ZDHHC14: variants seen among roughly 807,000 people sequenced by gnomAD.
The protein encoded by ZDHHC14 is zDHHC palmitoyltransferase 14.
ZDHHC14 carries 16 observed loss-of-function variants against 47.7 expected under a neutral mutation model. That is an observed-to-expected ratio of 0.34 (90% CI 0.23 to 0.51). ZDHHC14 has a LOEUF of 0.51. Ranked by LOEUF, ZDHHC14 falls within the 20% of genes least tolerant of loss-of-function variation. ZDHHC14 has a pLI of 0.97. For synonymous variants in ZDHHC14, 293 were observed against 278.9 expected (o/e 1.05, Z -0.50); for missense variants, 515 against 662.5 (o/e 0.78, Z 2.44).
In ZDHHC14 at chr6:157,647,252, C is replaced by G. The variant is rs1231850958; in HGVS notation, c.856-7C>G. ...ATTGCTTGTTACTGACTTTCCTTTT[C>G]TTTCAGATTAAAGGATCCTGGTCAA... On this transcript the variant is annotated splice_region_variant and splice_polypyrimidine_tract_variant and intron_variant, in intron 6 of 8. Coordinates refer to ENST00000359775, the MANE Select transcript of ZDHHC14 (RefSeq NM_024630.3). The G allele has an allele frequency of 1.2e-6, 2 of 1,604,962 alleles. No individual in the cohort carries two copies. The highest frequency in any genetic ancestry group is 8.5e-7 in the Non-Finnish European group (1 of 1,171,956).
At chr6:157,517,321 C>CTTT (rs34872988) in intron 1 of ZDHHC14, among the ~76,000 whole-genome samples, 8,197 of 145,922 alleles carry the variant, frequency 0.056, 528 homozygotes, top group African/African-American at 0.16. Context: ...TATAGTATCT[C>CTTT]TTTTTTTTTT....
At chr6:157,434,355 G>A (rs1035257188) in intron 1 of ZDHHC14, among the ~76,000 whole-genome samples, 17 of 151,972 alleles carry the variant, frequency 1.1e-4, no homozygotes, top group Non-Finnish European at 1.6e-4. Flanking sequence ...CCTGCCAGCC[G>A]GCCGAGAACA....
Position 157,492,684 on chromosome 6 carries a change from A to G in ZDHHC14, c.246-49901A>G, listed in dbSNP as rs150094974. 2.5e-3 allele frequency among the ~76,000 whole-genome samples: 382 copies of G among 152,336 alleles called. 1 individual carries two copies. The highest frequency in any genetic ancestry group is 4.8e-3 in the Admixed American group (74 of 15,312). ...CAAAGCCCCTGGCCTCATGCAGTTTACAATCTAGGGCATGAAGAAATCACT... is the reference window on the plus strand; with the variant it reads ...CAAAGCCCCTGGCCTCATGCAGTTTGCAATCTAGGGCATGAAGAAATCACT... On this transcript the variant is annotated intron_variant, in intron 1 of 8. Coordinates refer to ENST00000359775, the MANE Select transcript of ZDHHC14 (RefSeq NM_024630.3).
chr6:157,460,719 G>A (rs551929898), intron 1 of ZDHHC14, among the ~76,000 whole-genome samples: 1 of 152,300 alleles, frequency 6.6e-6, no homozygotes, highest in South Asian at 2.1e-4. Context: ...GTACCCTTAA[G>A]TTATATGGAG....
chr6:157,572,540 A>G (rs1783139861), intron 2 of ZDHHC14, among the ~76,000 whole-genome samples: 1 of 151,924 alleles, frequency 6.6e-6, no homozygotes, highest in Non-Finnish European at 1.5e-5. Context: ...CATGTGCACA[A>G]CGTGCAGGTT....
intron 5 of ZDHHC14, among the ~76,000 whole-genome samples, chr6:157,636,369 C>T (rs1262991252): frequency 2.0e-5 from 3 of 149,166 alleles, no homozygotes; most frequent in Admixed American, 1.3e-4. Context: ...GTGCATGCAT[C>T]TATATCTGTA....
At chr6:157,540,910 G>GTGTGTATATATA (rs1284429244) in intron 1 of ZDHHC14, among the ~76,000 whole-genome samples, 4 of 122,980 alleles carry the variant, frequency 3.3e-5, no homozygotes, top group South Asian at 2.3e-4. Context: ...GTGTGTGTGT[G>GTGTGTATATATA]TATATATATA....
chr6:157,570,734 G>A (rs1562486213), intron 2 of ZDHHC14, among the ~76,000 whole-genome samples: 1 of 150,960 alleles, frequency 6.6e-6, no homozygotes, highest in Admixed American at 6.6e-5. Flanking sequence ...ACTAATTAGT[G>A]ATATATATAT....
At chr6:157,607,183 A>T (rs908030326) in intron 3 of ZDHHC14, among the ~76,000 whole-genome samples, 1 of 152,174 alleles carries the variant, frequency 6.6e-6, no homozygotes, top group African/African-American at 2.4e-5. Flanking sequence ...GCCTCAGCGG[A>T]ATGCTGAGGG....
chr6:157,489,598 G>A (rs1779865176), intron 1 of ZDHHC14, among the ~76,000 whole-genome samples: 2 of 152,164 alleles, frequency 1.3e-5, no homozygotes, highest in Non-Finnish European at 2.9e-5. Context: ...CATAGGGAGA[G>A]GCTGAATTAG....
At chr6:157,407,929 C>A (rs545991172) in intron 1 of ZDHHC14, among the ~76,000 whole-genome samples, 1 of 152,126 alleles carries the variant, frequency 6.6e-6, no homozygotes, top group Non-Finnish European at 1.5e-5. Context: ...TTTTAAAATG[C>A]GAGTCCTCTA....
At chr6:157,581,853 G>C (rs1046897662) in intron 2 of ZDHHC14, among the ~76,000 whole-genome samples, 4 of 151,560 alleles carry the variant, frequency 2.6e-5, no homozygotes, top group African/African-American at 9.7e-5. Context: ...GCATACCATT[G>C]GGTCATTGGG....
intron 8 of ZDHHC14, among the ~76,000 whole-genome samples, chr6:157,668,431 C>G (rs773591151): frequency 1.3e-5 from 2 of 151,452 alleles, no homozygotes; most frequent in African/African-American, 4.9e-5. Context: ...GACCTGTAAT[C>G]CCAGCACTTT....
rs149567343 is a variant in ZDHHC14, at chr6:157,665,196, C to A, written c.1069-7528C>A. On this transcript the variant is annotated intron_variant, in intron 8 of 8. Coordinates refer to ENST00000359775, the MANE Select transcript of ZDHHC14 (RefSeq NM_024630.3). ...TTTCATATACTCCCTTATATACAGG[C>A]TGAATGCTGGTCCAGTATCAGTTCT... Among the ~76,000 whole-genome samples, 117 of 152,316 alleles carry A rather than the reference C, an allele frequency of 7.7e-4. 1 individual carries two copies. The highest frequency in any genetic ancestry group is 2.7e-3 in the African/African-American group (112 of 41,560).
At chr6:157,481,311 T>C (rs190810171) in intron 1 of ZDHHC14, among the ~76,000 whole-genome samples, 2 of 152,308 alleles carry the variant, frequency 1.3e-5, no homozygotes, top group African/African-American at 4.8e-5. Flanking sequence ...TTTTCCTTTT[T>C]TGGAAGTCTA....
chr6:157,501,223 T>C (rs558192394), intron 1 of ZDHHC14, among the ~76,000 whole-genome samples: 4 of 152,344 alleles, frequency 2.6e-5, no homozygotes, highest in East Asian at 1.9e-4. Context: ...TCATTATTTT[T>C]TCCTTCCTTC....
At chr6:157,629,849 A>G (rs988954632) in intron 4 of ZDHHC14, 1 of 152,200 alleles carries the variant, frequency 6.6e-6, no homozygotes, top group African/African-American at 2.4e-5. Context: ...CTATCTGTGC[A>G]TTAATAGACA....
chr6:157,387,232 A>G (rs892263280), intron 1 of ZDHHC14, among the ~76,000 whole-genome samples: 16 of 136,476 alleles, frequency 1.2e-4, no homozygotes, highest in Non-Finnish European at 2.2e-4. Context: ...AATTCCTCTG[A>G]AAAAAAAAAA....
chr6:157,613,022 A>G (rs969282067), intron 3 of ZDHHC14, among the ~76,000 whole-genome samples: 2 of 152,018 alleles, frequency 1.3e-5, no homozygotes, highest in Admixed American at 6.6e-5. Flanking sequence ...ATGATCATTT[A>G]AAAAAAATTA....
Sources: gnomAD v4.1 joint callset for allele counts (sites outside exome capture counted in the v4.1 genomes callset) on GRCh38, gnomAD v4.1.1 for gene constraint, MANE v1.5 for transcripts, NCBI Gene and HGNC (gene_info 2026-07-23, HGNC 2026-07-21) for gene names.